POU2F3: variants seen among roughly 807,000 people sequenced by gnomAD.
The protein encoded by POU2F3 is POU domain, class 2, transcription factor 3.
A neutral mutation model predicts 59.2 loss-of-function variants in POU2F3; 23 were observed. The observed-to-expected ratio is 0.39, with a 90% CI of 0.28 to 0.55. POU2F3 has a LOEUF of 0.55. Ranked by LOEUF, POU2F3 falls within the 20% of genes least tolerant of loss-of-function variation. POU2F3 has a pLI of 0.66. For synonymous variants in POU2F3, 190 were observed against 214.6 expected, an observed-to-expected ratio of 0.89 and a Z score of 1.00; for missense variants, 473 against 544.5, an observed-to-expected ratio of 0.87 and a Z score of 1.31.
At chr11:120,309,619 C>T (rs1193543848) in intron 10 of POU2F3, 33 bp downstream of exon 10, 6 of 1,603,574 alleles carry the variant, frequency 3.7e-6, no homozygotes, top group Admixed American at 3.3e-5. Flanking sequence ...GTCTGCCAAG[C>T]ACTGGAGGGA....
chr11:120,246,813 G>A (rs1392438296), intron 2 of POU2F3, among the ~76,000 whole-genome samples: 1 of 152,232 alleles, frequency 6.6e-6, no homozygotes, highest in South Asian at 2.1e-4. Context: ...CAACTGCTGT[G>A]ACTGGCAGAG....
At chr11:120,237,975 T>C (rs1473229354), upstream of POU2F3, among the ~76,000 whole-genome samples, 2 of 152,176 alleles carry the variant, frequency 1.3e-5, no homozygotes, top group East Asian at 3.9e-4. Context: ...GGACGGTGGC[T>C]CACACCTGTA....
intron 2 of POU2F3, chr11:120,254,868 G>A (rs1365649435): frequency 6.6e-6 from 1 of 152,140 alleles, no homozygotes; most frequent in African/African-American, 2.4e-5. Flanking sequence ...GCGCTCCTGG[G>A]GTAACAGCAG....
chr11:120,317,096 TG>T, intron 11 of POU2F3, 132 bp from the exon 12 acceptor site: 1 of 1,002,552 alleles, frequency 1.0e-6, no homozygotes, highest in East Asian at 2.4e-5. Flanking sequence ...GGTAGTCAGG[TG>T]GGTGTGGCTA....
chr11:120,284,553 G>T (rs1193381898), intron 3 of POU2F3, among the ~76,000 whole-genome samples: 1 of 152,176 alleles, frequency 6.6e-6, no homozygotes, highest in Non-Finnish European at 1.5e-5. Context: ...CCCGGAGTGT[G>T]TGCAGGACTC....
intron 2 of POU2F3, among the ~76,000 whole-genome samples, chr11:120,251,296 A>C (rs1939085781): frequency 6.6e-6 from 1 of 152,248 alleles, no homozygotes; most frequent in Admixed American, 6.5e-5. Context: ...TAGATGAAGC[A>C]CATGTGTGAG....
chr11:120,266,835 C>T (rs2096883), intron 2 of POU2F3, among the ~76,000 whole-genome samples: 39,684 of 152,176 alleles, frequency 0.26, 5,735 homozygotes, highest in Admixed American at 0.43. Context: ...CTTATGTCTT[C>T]TCAACTAGAA....
chr11:120,301,140 A>G (rs1941336365), intron 5 of POU2F3: 1 of 450,458 alleles, frequency 2.2e-6, no homozygotes, highest in African/African-American at 2.0e-5. Flanking sequence ...TGGAGTCAGA[A>G]AAATTTACTG....
In POU2F3 at chr11:120,302,292, A is replaced by G. The variant is rs767450838; in HGVS notation, c.368A>G (p.Gln123Arg). Residue 123 changes from glutamine to arginine, a missense_variant, in exon 6 of 13, where the codon CAG becomes CGG. Physicochemically the swap from Gln to Arg is conservative, Grantham distance 43. Transcript: ENST00000543440. ...SQTQPGQQGL[Q>R]PNLLPFPQQQ... is the part of the protein sequence containing the mutation. ...TCCCTCCCCTTTCACCCAGGTCTGC[A>G]GCCAAATCTCCTCCCCTTTCCACAG... is the stretch of plus-strand genomic sequence containing the variant. The G allele has an allele frequency of 1.4e-5, 22 of 1,609,208 alleles. No homozygotes were observed. Among genetic ancestry groups the G allele is most frequent in the Middle Eastern group, 1.7e-4 (1 of 6,050 alleles).
At chr11:120,299,009 T>C (rs1941269471) in intron 4 of POU2F3, among the ~76,000 whole-genome samples, 1 of 152,204 alleles carries the variant, frequency 6.6e-6, no homozygotes, top group African/African-American at 2.4e-5. Context: ...CACAGAGCTC[T>C]GGCGTCTCCA....
intron 2 of POU2F3, among the ~76,000 whole-genome samples, chr11:120,267,637 G>A (rs1939883835): frequency 6.8e-6 from 1 of 146,572 alleles, no homozygotes; most frequent in African/African-American, 2.7e-5. Flanking sequence ...TGAGGAAAAG[G>A]GGTTAAAACA....
At chr11:120,237,471 C>T (rs529336563), upstream of POU2F3, among the ~76,000 whole-genome samples, 1 of 152,180 alleles carries the variant, frequency 6.6e-6, no homozygotes, top group South Asian at 2.1e-4. Flanking sequence ...TATCCCCATT[C>T]CCCCCAGAAC....
intron 12 of POU2F3, 21 bp from the exon 13 acceptor site, chr11:120,318,332 T>A (rs377688729): frequency 2.6e-5 from 42 of 1,591,838 alleles, no homozygotes; most frequent in Non-Finnish European, 3.6e-5. Flanking sequence ...GCTTTAGGAT[T>A]GACTTCTTTC....
At chr11:120,295,894 G>A (rs1278713168) in intron 3 of POU2F3, among the ~76,000 whole-genome samples, 2 of 152,242 alleles carry the variant, frequency 1.3e-5, no homozygotes, top group Middle Eastern at 3.4e-3. Flanking sequence ...TAAGTGAGAG[G>A]AATGATTTCC....
intron 9 of POU2F3, 47 bp downstream of exon 9, chr11:120,307,662 T>TAG: frequency 6.2e-7 from 1 of 1,609,620 alleles, no homozygotes; most frequent in Non-Finnish European, 8.5e-7. Flanking sequence ...CTCACACAGG[T>TAG]AGGGAGAGCA....
At chr11:120,291,824 T>A (rs527666126) in intron 3 of POU2F3, among the ~76,000 whole-genome samples, 9 of 152,008 alleles carry the variant, frequency 5.9e-5, no homozygotes, top group African/African-American at 2.2e-4. Flanking sequence ...TTTTTTTTTT[T>A]TTGAGATGGA....
intron 8 of POU2F3, among the ~76,000 whole-genome samples, chr11:120,307,096 A>T (rs1941514620): frequency 6.6e-6 from 1 of 152,232 alleles, no homozygotes; most frequent in Admixed American, 6.5e-5. Context: ...CATATCTGTA[A>T]ACAGCAGCCT....
Position 120,282,524 on chromosome 11 carries a change from C to T in POU2F3, c.132+13280C>T, listed in dbSNP as rs528155568. Among the ~76,000 whole-genome samples the T allele has an allele frequency of 3.9e-5, 6 of 152,212 alleles. No homozygotes were observed. In the East Asian group the frequency reaches 7.7e-4, roughly 20 times the overall value. On this transcript the variant is annotated intron_variant, in intron 3 of 12. Transcript: ENST00000543440. ...CATAAAAACTAGCCAGGCATGGTGG[C>T]GGGCACCTGTAATCCCAGCTATTCT...
At chr11:120,289,423 G>T (rs1940942585) in intron 3 of POU2F3, among the ~76,000 whole-genome samples, 1 of 152,054 alleles carries the variant, frequency 6.6e-6, no homozygotes, top group South Asian at 2.1e-4. Flanking sequence ...TATTCCACAG[G>T]GCTGTTAGGA....
Sources: gnomAD v4.1 joint callset for allele counts (sites outside exome capture counted in the v4.1 genomes callset) on GRCh38, gnomAD v4.1.1 for gene constraint, MANE v1.5 for transcripts, NCBI Gene and HGNC (gene_info 2026-07-23, HGNC 2026-07-21) for gene names.